Variants in RPTOR observed in about 807,000 individuals in gnomAD.
The protein encoded by RPTOR is regulatory-associated protein of mTOR.
In RPTOR, 21 loss-of-function variants were observed where a neutral mutation model predicts 169.9. The ratio of observed to expected loss-of-function variants is 0.12; its 90% CI spans 0.09 to 0.18. The LOEUF is 0.18. Among genes scored for constraint, RPTOR ranks in the 10% least tolerant of loss-of-function variants. The pLI is 1.00. For missense variants in RPTOR, 1,133 were observed against 1,855.9 expected (o/e 0.61, Z 7.16); for synonymous variants, 732 against 753.2 (o/e 0.97, Z 0.46).
chr17:80,745,900 G>A lies in RPTOR; in HGVS notation c.655-8110G>A, dbSNP rs879797127. On this transcript the variant is annotated intron_variant, in intron 5 of 33. Transcript: ENST00000306801. The stretch of plus-strand genomic sequence containing the variant: ...TGTGAGGCCGGGCGCGGTGGCTCAC[G>A]CCTGTAATCCCAGCACTTTGGGAGG... Among the ~76,000 whole-genome samples, 52 of 152,290 alleles carry A rather than the reference G, an allele frequency of 3.4e-4. 1 individual carries two copies. The highest frequency in any genetic ancestry group is 2.9e-3 in the East Asian group (15 of 5,176).
At chr17:80,742,770 A>G (rs1300995850) in intron 5 of RPTOR, among the ~76,000 whole-genome samples, 1 of 152,062 alleles carries the variant, frequency 6.6e-6, no homozygotes, top group Admixed American at 6.6e-5. Context: ...AGACACGCAC[A>G]TGTATACATG....
rs746521181 is a variant in RPTOR, at chr17:80,949,556, G to A, written c.3370+9G>A. 31 of 1,609,002 alleles carry A rather than the reference G, an allele frequency of 1.9e-5. No individual in the cohort carries two copies. Among genetic ancestry groups the A allele is most frequent in the African/African-American group, 8.0e-5 (6 of 74,838 alleles). On this transcript the variant is annotated intron_variant, in intron 28 of 33. Coordinates refer to ENST00000306801, the MANE Select transcript of RPTOR (RefSeq NM_020761.3). ...GCTGCCAACGACGCGAGGTGGGTCC[G>A]CCCGGCTCCTCCCCAGAGCAGAATG... is the stretch of plus-strand genomic sequence containing the variant.
intron 6 of RPTOR, among the ~76,000 whole-genome samples, chr17:80,787,237 TA>T (rs1044523000): frequency 1.3e-5 from 2 of 152,200 alleles, no homozygotes; most frequent in African/African-American, 4.8e-5. Context: ...AGGACTCTTT[TA>T]AAAAAATACT....
Position 80,845,579 on chromosome 17 carries a change from C to T in RPTOR, c.1213-894C>T, listed in dbSNP as rs937517852. 6.6e-6 allele frequency among the ~76,000 whole-genome samples: 1 copy of T among 152,026 alleles called. No homozygotes were observed. The highest frequency in any genetic ancestry group is 1.5e-5 in the Non-Finnish European group (1 of 68,008). ...CCAGCCCAGCCTGTGCTTCCAGTCC[C>T]ATCCCCCAGCCTGCCCGAGGATGCC... On this transcript the variant is annotated intron_variant, in intron 10 of 33. Transcript: ENST00000306801. The surrounding 1 kb of genome is among the most constrained non-coding windows in gnomAD (Gnocchi z 5.4).
chr17:80,939,923 A>G (rs879617823), intron 24 of RPTOR, among the ~76,000 whole-genome samples: 1 of 152,030 alleles, frequency 6.6e-6, no homozygotes, highest in Non-Finnish European at 1.5e-5. Flanking sequence ...CTCACAGGCC[A>G]CTCACTCAAG....
At chr17:80,828,611 C>T (rs764592765) in intron 9 of RPTOR, among the ~76,000 whole-genome samples, 3 of 152,204 alleles carry the variant, frequency 2.0e-5, no homozygotes, top group Admixed American at 6.5e-5. Context: ...CACCTGCCTG[C>T]CCACCGTGCT....
chr17:80,595,221 A>G (rs527324540), intron 1 of RPTOR, among the ~76,000 whole-genome samples: 12 of 152,348 alleles, frequency 7.9e-5, no homozygotes, highest in African/African-American at 1.9e-4. Flanking sequence ...CAGTGTAACA[A>G]TGAGCATGCA....
At chr17:80,901,501 C>T (rs535881077) in intron 20 of RPTOR, among the ~76,000 whole-genome samples, 138 of 152,200 alleles carry the variant, frequency 9.1e-4, no homozygotes, top group Non-Finnish European at 1.8e-3. Context: ...CAAAGTCGCC[C>T]CTGCAAAGCC....
chr17:80,854,729 A>G (rs1044562016), intron 11 of RPTOR, among the ~76,000 whole-genome samples: 3 of 152,196 alleles, frequency 2.0e-5, no homozygotes, highest in African/African-American at 4.8e-5. Flanking sequence ...CCCCATCTCT[A>G]TAAAAAATAC....
chr17:80,600,784 T>C (rs2065179130), intron 1 of RPTOR, among the ~76,000 whole-genome samples: 1 of 152,116 alleles, frequency 6.6e-6, no homozygotes, highest in Non-Finnish European at 1.5e-5. Context: ...TGTGGGAGGA[T>C]GTGACGTGTG....
chr17:80,593,016 C>G (rs1242643714), intron 1 of RPTOR, among the ~76,000 whole-genome samples: 1 of 152,142 alleles, frequency 6.6e-6, no homozygotes, highest in Admixed American at 6.5e-5. Context: ...CCCTTCTGCA[C>G]GTGTTTTTAC....
intron 5 of RPTOR, among the ~76,000 whole-genome samples, chr17:80,741,871 T>C (rs967450261): frequency 3.9e-5 from 6 of 152,116 alleles, no homozygotes; most frequent in Admixed American, 3.3e-4. Flanking sequence ...GGAGAGGCAC[T>C]GACAGACCAG....
chr17:80,602,982 A>G (rs1599593423), intron 1 of RPTOR: 1 of 341,340 alleles, frequency 2.9e-6, no homozygotes, highest in Non-Finnish European at 5.5e-6. Context: ...TGGGTTGTCC[A>G]TTGGATGATC....
At position 80,761,442 on chromosome 17, in the gene RPTOR, G is replaced by A. The variant is rs118041599; in HGVS notation, c.830+7257G>A. Reference sequence around the variant, plus strand: ...AGAGCATTAACGTGTATTTGTCAGCGTGGAAAGTTTCGCTCCTGCATTGCC... The same window carrying A: ...AGAGCATTAACGTGTATTTGTCAGCATGGAAAGTTTCGCTCCTGCATTGCC... On this transcript the variant is annotated intron_variant, in intron 6 of 33. Coordinates refer to ENST00000306801, the MANE Select transcript of RPTOR (RefSeq NM_020761.3). 5.3e-3 allele frequency among the ~76,000 whole-genome samples: 803 copies of A among 152,272 alleles called. 5 individuals carry two copies. Among genetic ancestry groups the A allele is most frequent in the Non-Finnish European group, 8.4e-3 (568 of 68,020 alleles).
intron 7 of RPTOR, among the ~76,000 whole-genome samples, chr17:80,807,345 C>A (rs2067228335): frequency 6.6e-6 from 1 of 151,936 alleles, no homozygotes. Context: ...GCCACCCCAC[C>A]ACCCTTTTTT....
Position 80,562,845 on chromosome 17 carries a change from G to T in RPTOR, c.162+17054G>T, listed in dbSNP as rs80236171. Reference sequence around the variant, plus strand: ...AGTTTAAAGATATATCAAAACAAAAGTACTGTGAAAAAGTTAAATCAGATT... The same window carrying T: ...AGTTTAAAGATATATCAAAACAAAATTACTGTGAAAAAGTTAAATCAGATT... On this transcript the variant is annotated intron_variant, in intron 1 of 33. Transcript: ENST00000306801. This position sits in a 1 kb window ranked among gnomAD's most constrained non-coding sequence, Gnocchi z 4.4. 8.0e-3 allele frequency among the ~76,000 whole-genome samples: 1,219 copies of T among 152,314 alleles called. 24 individuals are homozygous for T. Among genetic ancestry groups the T allele is most frequent in the African/African-American group, 0.028 (1,156 of 41,564 alleles).
At chr17:80,893,205 G>T (rs1466769486) in intron 19 of RPTOR, among the ~76,000 whole-genome samples, 2 of 152,248 alleles carry the variant, frequency 1.3e-5, no homozygotes, top group Admixed American at 6.5e-5. Flanking sequence ...CTCCCAGGGA[G>T]ATCAGTGAGT....
At position 80,708,777 on chromosome 17, in the gene RPTOR, T is replaced by C. The variant is rs912132333; in HGVS notation, c.507+778T>C. ...GTCTCACTGCGCTCTGCGTGATGCATGAAAAGCAGTTCTTGGAGGGTGCGG... is the reference window on the plus strand; with the variant it reads ...GTCTCACTGCGCTCTGCGTGATGCACGAAAAGCAGTTCTTGGAGGGTGCGG... On this transcript the variant is annotated intron_variant, in intron 4 of 33. Coordinates refer to ENST00000306801, the MANE Select transcript of RPTOR (RefSeq NM_020761.3). The surrounding 1 kb of genome is among the most constrained non-coding windows in gnomAD (Gnocchi z 4.2). 1 of 219,650 alleles carries C rather than the reference T, an allele frequency of 4.6e-6. No homozygotes were observed. The highest frequency in any genetic ancestry group is 6.5e-5 in the Admixed American group (1 of 15,346). 13.6% of individuals were successfully genotyped at this position (219,650 alleles called of 1,614,324 possible).
At chr17:80,794,243 A>T (rs2067078601) in intron 7 of RPTOR, among the ~76,000 whole-genome samples, 1 of 152,216 alleles carries the variant, frequency 6.6e-6, no homozygotes, top group Admixed American at 6.5e-5. Context: ...AAAACTCAAA[A>T]ATAAGGGGGA....
Sources: allele counts gnomAD v4.1 joint callset (sites outside exome capture counted in the v4.1 genomes callset), GRCh38; gene constraint gnomAD v4.1.1; non-coding constraint Gnocchi (gnomAD v3.1); transcripts MANE v1.5; gene names NCBI Gene and HGNC (gene_info 2026-07-23, HGNC 2026-07-21).